FYB1: variants seen among roughly 807,000 people sequenced by gnomAD.
FYB1 encodes the protein FYN binding protein 1.
Under a neutral mutation model 94.1 loss-of-function variants are expected in FYB1, and 41 were observed. The ratio of observed to expected loss-of-function variants is 0.44; its 90% CI spans 0.34 to 0.57. The LOEUF is 0.57. Ranked by LOEUF, FYB1 falls within the 20% of genes least tolerant of loss-of-function variation. The pLI is 0.02. For synonymous variants in FYB1, 367 were observed against 353.2 expected (o/e 1.04, Z -0.44); for missense variants, 1,050 against 976.8 (o/e 1.07, Z -1.00).
intron 9 of FYB1, among the ~76,000 whole-genome samples, chr5:39,133,292 A>G (rs1401374610): frequency 6.6e-6 from 1 of 152,152 alleles, no homozygotes; most frequent in Non-Finnish European, 1.5e-5. Context: ...TTGGGATCAC[A>G]ATGGAGGTTT....
intron 14 of FYB1, among the ~76,000 whole-genome samples, chr5:39,121,894 C>T (rs1740147978): frequency 6.6e-6 from 1 of 151,712 alleles, no homozygotes; most frequent in Non-Finnish European, 1.5e-5. Context: ...TGGGTGAGTG[C>T]TGAGATGTAA....
intron 2 of FYB1, among the ~76,000 whole-genome samples, chr5:39,195,751 A>G (rs1276615258): frequency 6.6e-6 from 1 of 152,204 alleles, no homozygotes; most frequent in East Asian, 1.9e-4. Context: ...ATACATGCAA[A>G]CCAATAGTCA....
chr5:39,150,806 C>T (rs899579972), intron 3 of FYB1, among the ~76,000 whole-genome samples: 1 of 152,202 alleles, frequency 6.6e-6, no homozygotes, highest in Non-Finnish European at 1.5e-5. Context: ...ACCTTGCCTG[C>T]ATTTCTGTGA....
intron 1 of FYB1, among the ~76,000 whole-genome samples, chr5:39,218,413 C>T (rs185848861): frequency 1.8e-3 from 268 of 152,228 alleles, no homozygotes; most frequent in Non-Finnish European, 2.7e-3. Flanking sequence ...TTTACTCTAC[C>T]TAAAACCTCC....
chr5:39,157,629 C>G (rs1376349630), intron 2 of FYB1, among the ~76,000 whole-genome samples: 1 of 151,770 alleles, frequency 6.6e-6, no homozygotes, highest in South Asian at 2.1e-4. Context: ...AAGTTTAGAC[C>G]TCAGTTGGCA....
intron 2 of FYB1, among the ~76,000 whole-genome samples, chr5:39,170,982 G>A (rs760598550): frequency 1.6e-4 from 24 of 152,086 alleles, no homozygotes; most frequent in Non-Finnish European, 2.5e-4. Flanking sequence ...TTCTGCTTAA[G>A]TAAATTGCTT....
intron 2 of FYB1, among the ~76,000 whole-genome samples, chr5:39,192,728 A>G (rs1415831979): frequency 1.3e-5 from 2 of 152,256 alleles, no homozygotes; most frequent in African/African-American, 4.8e-5. Context: ...AAACTAAATG[A>G]TAAGTATGGA....
chr5:39,154,705 C>T (rs959641998), intron 2 of FYB1, among the ~76,000 whole-genome samples: 1 of 151,872 alleles, frequency 6.6e-6, no homozygotes, highest in African/African-American at 2.4e-5. Context: ...CGGGGTTTCT[C>T]TTTGTATTTT....
chr5:39,136,100 C>T (rs889989277), intron 7 of FYB1, among the ~76,000 whole-genome samples: 3 of 151,914 alleles, frequency 2.0e-5, no homozygotes, highest in Non-Finnish European at 4.4e-5. Flanking sequence ...GATGGAGTCT[C>T]GCTCTGTTGC....
Position 39,202,468 on chromosome 5 carries a change from C to T in FYB1, c.493G>A (p.Glu165Lys), listed in dbSNP as rs775441742. Residue 165 changes from glutamate to lysine, a missense_variant, in exon 2 of 19, where the codon GAA becomes AAA. Coordinates refer to ENST00000512982, the MANE Select transcript of FYB1 (RefSeq NM_001465.6). ...SGPTPPTSEN[E>K]QKQAFPKLTG... is the part of the protein sequence containing the mutation. Reference sequence around the variant, plus strand: ...AATTTGGGAAACGCTTGCTTCTGTTCATTTTCTGAGGTTGGAGGAGTAGGC... The same window carrying T: ...AATTTGGGAAACGCTTGCTTCTGTTTATTTTCTGAGGTTGGAGGAGTAGGC... 6.2e-7 allele frequency: 1 copy of T among 1,613,900 alleles called. No homozygotes were observed. The highest frequency in any genetic ancestry group is 1.1e-5 in the South Asian group (1 of 91,072).
chr5:39,190,222 A>C (rs769440106), intron 2 of FYB1, among the ~76,000 whole-genome samples: 2 of 152,238 alleles, frequency 1.3e-5, no homozygotes, highest in Non-Finnish European at 2.9e-5. Context: ...TGTGGGTTTC[A>C]CTGACCGAAA....
chr5:39,258,021 A>G (rs1752039093), intron 1 of FYB1, among the ~76,000 whole-genome samples: 1 of 152,158 alleles, frequency 6.6e-6, no homozygotes, highest in South Asian at 2.1e-4. Flanking sequence ...TTGTTAATAC[A>G]CAGGTGGCTG....
At chr5:39,231,649 C>T (rs1010293558) in intron 1 of FYB1, among the ~76,000 whole-genome samples, 5 of 152,030 alleles carry the variant, frequency 3.3e-5, no homozygotes, top group African/African-American at 1.2e-4. Context: ...GAGATTAGTG[C>T]AAACAATGGG....
At chr5:39,190,166 T>A (rs1385016864) in intron 2 of FYB1, among the ~76,000 whole-genome samples, 1 of 152,236 alleles carries the variant, frequency 6.6e-6, no homozygotes, top group Non-Finnish European at 1.5e-5. Context: ...AGTTCAGAAT[T>A]CAGCAATCTC....
intron 7 of FYB1, 113 bp from the exon 8 acceptor site, chr5:39,135,127 C>A: frequency 1.7e-6 from 2 of 1,157,174 alleles, no homozygotes; most frequent in Admixed American, 2.4e-5. Context: ...CTATAACCAA[C>A]ATTTACAGGG....
intron 2 of FYB1, among the ~76,000 whole-genome samples, chr5:39,162,710 G>T (rs530703362): frequency 9.2e-6 from 1 of 108,682 alleles, no homozygotes; most frequent in East Asian, 2.2e-4. Flanking sequence ...AAGTAATGCC[G>T]TTTAGTGATT....
chr5:39,243,142 T>G lies in FYB1; in HGVS notation c.-28+31261A>C, dbSNP rs560923513. 2.3e-4 allele frequency among the ~76,000 whole-genome samples: 35 copies of G among 152,176 alleles called. No homozygotes were observed. The East Asian group carries it at 6.2e-3, about 27-fold the overall frequency. ...TTTGCTGTGCAGAAGCTCTTTAGTT[T>G]AATTAGATCCCATTTGTCAATTTTG... is the stretch of plus-strand genomic sequence containing the variant. On this transcript the variant is annotated intron_variant, in intron 1 of 1. Coordinates refer to the FYB1 transcript ENST00000510188.
chr5:39,239,033 G>A (rs184792765), intron 1 of FYB1, among the ~76,000 whole-genome samples: 1 of 152,040 alleles, frequency 6.6e-6, no homozygotes, highest in East Asian at 1.9e-4. Context: ...AGTGTGATTC[G>A]CTACACAAAT....
At chr5:39,264,569 C>T (rs75321553) in intron 1 of FYB1, among the ~76,000 whole-genome samples, 3,382 of 152,250 alleles carry the variant, frequency 0.022, 115 homozygotes, top group African/African-American at 0.077. Flanking sequence ...CCATCCTGGT[C>T]TTTTTACAGC....
Sources: allele counts gnomAD v4.1 joint callset (sites outside exome capture counted in the v4.1 genomes callset), GRCh38; gene constraint gnomAD v4.1.1; transcripts MANE v1.5; gene names NCBI Gene and HGNC (gene_info 2026-07-23, HGNC 2026-07-21).